Variants in DAAM1 observed in about 807,000 individuals in gnomAD.
The protein encoded by DAAM1 is disheveled-associated activator of morphogenesis 1.
In DAAM1, 52 loss-of-function variants were observed where a neutral mutation model predicts 130.0. The ratio of observed to expected loss-of-function variants is 0.40; its 90% CI spans 0.32 to 0.50. The LOEUF is 0.50. Ranked by LOEUF, DAAM1 falls within the 20% of genes least tolerant of loss-of-function variation. The pLI is 0.61. For synonymous variants in DAAM1, 452 were observed against 444.5 expected (o/e 1.02, Z -0.21); for missense variants, 1,134 against 1,303.8 (o/e 0.87, Z 2.01).
In DAAM1 at chr14:59,260,695, A is replaced by T. The variant is rs556674566; in HGVS notation, c.-37-2746A>T. On this transcript the variant is annotated intron_variant, in intron 1 of 24. Transcript: ENST00000360909. ...TAATATCTCTGAATATTTCCTAAGC[A>T]TACATTTTCAGAAGTAGAAATACTA... is the stretch of plus-strand genomic sequence containing the variant. Among the ~76,000 whole-genome samples, 3 of 152,348 alleles carry T rather than the reference A, an allele frequency of 2.0e-5. No individual in the cohort carries two copies. In the South Asian group the frequency reaches 6.2e-4, roughly 32 times the overall value.
chr14:59,325,844 G>A, intron 9 of DAAM1, 114 bp downstream of exon 9: 2 of 1,518,570 alleles, frequency 1.3e-6, no homozygotes, highest in Non-Finnish European at 1.8e-6. Flanking sequence ...CAAACTCAAA[G>A]CTCTATTTTG....
At chr14:59,325,773 C>T (rs1326051424) in intron 9 of DAAM1, 43 bp downstream of exon 9, 1 of 1,605,198 alleles carries the variant, frequency 6.2e-7, no homozygotes, top group African/African-American at 1.3e-5. Context: ...CATCAGTTCA[C>T]ATTATTTCTG....
intron 1 of DAAM1, among the ~76,000 whole-genome samples, chr14:59,199,725 AG>A (rs1341635724): frequency 6.6e-6 from 1 of 152,178 alleles, no homozygotes; most frequent in Non-Finnish European, 1.5e-5. Context: ...ATTCTAACCC[AG>A]GGTTTCCCAA....
intron 18 of DAAM1, 129 bp from the exon 19 acceptor site, chr14:59,353,747 T>A: frequency 1.3e-6 from 1 of 775,472 alleles, no homozygotes; most frequent in Non-Finnish European, 2.1e-6. Context: ...GAACAACTAA[T>A]GTATGTGTGT....
intron 1 of DAAM1, among the ~76,000 whole-genome samples, chr14:59,234,324 C>A (rs951377598): frequency 7.1e-4 from 108 of 152,042 alleles, no homozygotes; most frequent in Admixed American, 7.0e-3. Context: ...GTTTGTAGTT[C>A]TCCTTGAAGA....
At chr14:59,277,961 G>A (rs1002600394) in intron 2 of DAAM1, among the ~76,000 whole-genome samples, 6 of 152,020 alleles carry the variant, frequency 3.9e-5, no homozygotes, top group African/African-American at 1.5e-4. Context: ...AGATAGTACT[G>A]AACGCTATAT....
chr14:59,243,071 C>A (rs997433184), intron 1 of DAAM1, among the ~76,000 whole-genome samples: 7 of 151,978 alleles, frequency 4.6e-5, no homozygotes, highest in Non-Finnish European at 8.8e-5. Flanking sequence ...GGAGACTCAC[C>A]AAAGTTAGGG....
intron 1 of DAAM1, among the ~76,000 whole-genome samples, chr14:59,231,291 C>T (rs1440493958): frequency 6.6e-6 from 1 of 152,012 alleles, no homozygotes; most frequent in Non-Finnish European, 1.5e-5. Flanking sequence ...TTATATTTCC[C>T]CACCTTTGAT....
At chr14:59,215,368 A>G (rs573104912) in intron 1 of DAAM1, among the ~76,000 whole-genome samples, 19 of 152,356 alleles carry the variant, frequency 1.2e-4, no homozygotes, top group Non-Finnish European at 2.1e-4. Flanking sequence ...GTTCCTTTCA[A>G]ATGATTCTCT....
chr14:59,254,670 G>A (rs1881792617), intron 1 of DAAM1, among the ~76,000 whole-genome samples: 2 of 152,162 alleles, frequency 1.3e-5, no homozygotes, highest in Non-Finnish European at 2.9e-5. Context: ...ATCTAGACGA[G>A]ATGTCTTGGC....
chr14:59,348,811 A>G (rs1886178174), intron 17 of DAAM1, among the ~76,000 whole-genome samples: 1 of 152,118 alleles, frequency 6.6e-6, no homozygotes, highest in South Asian at 2.1e-4. Context: ...GCAGGGAGGA[A>G]TGATGTTTGC....
chr14:59,211,865 G>C (rs1213941819), intron 1 of DAAM1, among the ~76,000 whole-genome samples: 1 of 152,154 alleles, frequency 6.6e-6, no homozygotes. Context: ...TAGTAAAGTT[G>C]TGGACTAAAA....
At chr14:59,284,668 A>G (rs568945705) in intron 2 of DAAM1, among the ~76,000 whole-genome samples, 2 of 152,214 alleles carry the variant, frequency 1.3e-5, no homozygotes, top group South Asian at 4.1e-4. Context: ...AGGAATTTCA[A>G]AATACAATTG....
At chr14:59,338,312 C>T in intron 15 of DAAM1, 1 of 1,467,192 alleles carries the variant, frequency 6.8e-7, no homozygotes, top group Non-Finnish European at 9.5e-7. Context: ...TTTGACTTTC[C>T]CCCATTTGTT....
intron 2 of DAAM1, among the ~76,000 whole-genome samples, chr14:59,270,876 GTGT>G (rs1882681756): frequency 6.6e-6 from 1 of 152,076 alleles, no homozygotes; most frequent in Non-Finnish European, 1.5e-5. Flanking sequence ...TGCTTTTCCT[GTGT>G]GAGATTTTAC....
intron 1 of DAAM1, among the ~76,000 whole-genome samples, chr14:59,251,093 TAC>T (rs1481237932): frequency 6.6e-6 from 1 of 152,234 alleles, no homozygotes; most frequent in Non-Finnish European, 1.5e-5. Context: ...ACAGCATTGT[TAC>T]TGAAGTATGA....
At chr14:59,290,256 C>T (rs1242220159) in intron 2 of DAAM1, among the ~76,000 whole-genome samples, 1 of 152,078 alleles carries the variant, frequency 6.6e-6, no homozygotes, top group Non-Finnish European at 1.5e-5. Flanking sequence ...TATAAATTAC[C>T]TTCCTTTAGG....
chr14:59,236,021 C>G (rs577099058), intron 1 of DAAM1, among the ~76,000 whole-genome samples: 1 of 152,096 alleles, frequency 6.6e-6, no homozygotes, highest in Non-Finnish European at 1.5e-5. Context: ...TAAAAAAAAT[C>G]CCATATTAAA....
At chr14:59,237,996 G>A (rs868002150) in intron 1 of DAAM1, among the ~76,000 whole-genome samples, 1 of 152,186 alleles carries the variant, frequency 6.6e-6, no homozygotes. Context: ...GAGAGCAATA[G>A]TAGAGGCACA....
Sources: allele counts gnomAD v4.1 joint callset (sites outside exome capture counted in the v4.1 genomes callset), GRCh38; gene constraint gnomAD v4.1.1; transcripts MANE v1.5; gene names NCBI Gene and HGNC (gene_info 2026-07-23, HGNC 2026-07-21).